PACRG: variants seen among roughly 807,000 people sequenced by gnomAD.
PACRG encodes parkin coregulated.
Under a neutral mutation model 29.7 loss-of-function variants are expected in PACRG, and 29 were observed. The observed-to-expected ratio is 0.98, with a 90% confidence interval of 0.73 to 1.33. The LOEUF (loss-of-function observed/expected upper bound fraction) is 1.33, where lower values mean the gene tolerates loss of function less well. Ranked by LOEUF, PACRG falls within the 40% of genes most tolerant of loss-of-function variation. The pLI, the probability that PACRG is intolerant of heterozygous loss-of-function variation, is 0.00. For missense variants in PACRG, 279 were observed against 316.2 expected (o/e 0.88, Z 0.89); for synonymous variants, 116 against 118.7 (o/e 0.98, Z 0.15).
At chr6:163,236,077 T>G (rs553386151) in intron 4 of PACRG, among the ~76,000 whole-genome samples, 1 of 152,258 alleles carries the variant, frequency 6.6e-6, no homozygotes, top group East Asian at 1.9e-4. Flanking sequence ...TCTGCCTATG[T>G]CAGGGCAGCA....
chr6:163,267,484 A>G (rs1207621330), intron 4 of PACRG, among the ~76,000 whole-genome samples: 2 of 152,250 alleles, frequency 1.3e-5, no homozygotes, highest in Admixed American at 6.5e-5. Flanking sequence ...TTTCACACCA[A>G]TTCTACAAAA....
At chr6:163,021,518 G>A (rs772142482) in intron 2 of PACRG, among the ~76,000 whole-genome samples, 6 of 151,916 alleles carry the variant, frequency 3.9e-5, no homozygotes, top group Non-Finnish European at 5.9e-5. Context: ...TGTTTGTCTC[G>A]CTCCAGGCTT....
In PACRG at chr6:162,758,540, T is replaced by C. The variant is rs529893979; in HGVS notation, c.156+30149T>C. On this transcript the variant is annotated intron_variant, in intron 1 of 4. Coordinates refer to ENST00000366888, the MANE Select transcript of PACRG (RefSeq NM_001080379.2). Reference sequence around the variant, plus strand: ...GGTACCATTTTTGTAGATAAAAATATGTAGATGATAATATGGGTTTGTTGT... The same window carrying C: ...GGTACCATTTTTGTAGATAAAAATACGTAGATGATAATATGGGTTTGTTGT... Among the ~76,000 whole-genome samples, 4 of 152,278 alleles carry C rather than the reference T, an allele frequency of 2.6e-5. No individual in the cohort carries two copies. The South Asian group carries it at 8.3e-4, about 32-fold the overall frequency.
At chr6:163,306,474 C>T (rs1306560357) in intron 4 of PACRG, among the ~76,000 whole-genome samples, 1 of 152,098 alleles carries the variant, frequency 6.6e-6, no homozygotes, top group Non-Finnish European at 1.5e-5. Context: ...CAGAGAAGAC[C>T]TTAGCTTGCC....
chr6:163,118,558 G>T (rs972563789), intron 4 of PACRG, among the ~76,000 whole-genome samples: 3 of 152,176 alleles, frequency 2.0e-5, no homozygotes, highest in Admixed American at 2.0e-4. Flanking sequence ...TTCATGTTAG[G>T]CTGATCCTAC....
At chr6:163,212,803 G>A (rs1037381859) in intron 4 of PACRG, among the ~76,000 whole-genome samples, 5 of 147,208 alleles carry the variant, frequency 3.4e-5, no homozygotes, top group East Asian at 2.0e-4. Flanking sequence ...TTTTTGAGAC[G>A]GAGTCTCGCT....
At chr6:163,224,341 C>T (rs939410494) in intron 4 of PACRG, among the ~76,000 whole-genome samples, 29 of 111,182 alleles carry the variant, frequency 2.6e-4, no homozygotes, top group Admixed American at 1.2e-4. Flanking sequence ...TGCACTGTAG[C>T]CTGGGCAACA....
chr6:163,006,227 T>A (rs1160957059), intron 2 of PACRG, among the ~76,000 whole-genome samples: 2 of 146,002 alleles, frequency 1.4e-5, no homozygotes, highest in African/African-American at 5.0e-5. Flanking sequence ...TATATATGTA[T>A]ATATATGGGT....
chr6:162,855,895 T>C (rs781049517), intron 2 of PACRG, among the ~76,000 whole-genome samples: 4 of 152,196 alleles, frequency 2.6e-5, no homozygotes, highest in East Asian at 1.9e-4. Flanking sequence ...TAGTCAGTTA[T>C]GGCCCCTTCT....
intron 4 of PACRG, among the ~76,000 whole-genome samples, chr6:163,126,944 C>G (rs1025166610): frequency 7.2e-5 from 11 of 152,206 alleles, no homozygotes; most frequent in Non-Finnish European, 1.3e-4. Context: ...GGTGGAAACA[C>G]AGGTCAAGTG....
chr6:162,947,621 T>TATATATAATC (rs1799307285), intron 2 of PACRG, among the ~76,000 whole-genome samples: 1 of 47,938 alleles, frequency 2.1e-5, no homozygotes, highest in African/African-American at 7.9e-5. Flanking sequence ...CATATATATA[T>TATATATAATC]ATATATATAT....
chr6:162,907,240 A>T (rs1486446796), intron 2 of PACRG, among the ~76,000 whole-genome samples: 3 of 152,232 alleles, frequency 2.0e-5, no homozygotes, highest in African/African-American at 7.2e-5. Flanking sequence ...CAGCTTTAAA[A>T]TACGGCTGCT....
chr6:163,141,720 C>A lies in PACRG; in HGVS notation c.613+52312C>A, dbSNP rs975994367. Among the ~76,000 whole-genome samples, 4 of 151,790 alleles carry A rather than the reference C, an allele frequency of 2.6e-5. 1 individual carries two copies. Among genetic ancestry groups the A allele is most frequent in the Non-Finnish European group, 5.9e-5 (4 of 67,942 alleles). On this transcript the variant is annotated intron_variant, in intron 4 of 4. Transcript: ENST00000366888. ...AGGGGCATCGTAGGATAAGAAGAAG[C>A]AAAATCCACCAAAATGACGTAAAAA...
At chr6:163,243,154 A>G (rs757258501) in intron 4 of PACRG, among the ~76,000 whole-genome samples, 1 of 152,190 alleles carries the variant, frequency 6.6e-6, no homozygotes, top group Non-Finnish European at 1.5e-5. Flanking sequence ...GTGATGTATC[A>G]CTGGCTGGTG....
rs117368153 is a variant in PACRG, at chr6:162,811,047, A to T, written c.157-3100A>T. 4.1e-4 allele frequency among the ~76,000 whole-genome samples: 62 copies of T among 152,316 alleles called. No individual in the cohort carries two copies. The East Asian group carries it at 0.011, about 28-fold the overall frequency. ...AGAAAAATCGTGGCATAACTAAAAA[A>T]AAGTGGCACCTTATAAATAAGGGAA... On this transcript the variant is annotated intron_variant, in intron 1 of 4. Transcript: ENST00000366888.
At chr6:163,010,954 C>T (rs560656006) in intron 2 of PACRG, among the ~76,000 whole-genome samples, 1 of 152,330 alleles carries the variant, frequency 6.6e-6, no homozygotes, top group African/African-American at 2.4e-5. Flanking sequence ...TTAGGAGGAT[C>T]TGCTGCAGTG....
At chr6:163,047,644 A>T (rs540715765) in intron 2 of PACRG, among the ~76,000 whole-genome samples, 2 of 152,192 alleles carry the variant, frequency 1.3e-5, no homozygotes, top group Non-Finnish European at 2.9e-5. Flanking sequence ...AGGTTATTCC[A>T]TAAAATAATT....
At chr6:162,979,492 GTCT>G (rs1247102587) in intron 2 of PACRG, among the ~76,000 whole-genome samples, 1 of 152,110 alleles carries the variant, frequency 6.6e-6, no homozygotes, top group African/African-American at 2.4e-5. Context: ...TTTGTTGAGT[GTCT>G]TCTTGGCTGT....
chr6:162,934,324 G>A (rs900122939), intron 2 of PACRG, among the ~76,000 whole-genome samples: 10 of 152,164 alleles, frequency 6.6e-5, no homozygotes, highest in South Asian at 2.1e-4. Context: ...TTGGGAGGGC[G>A]GGCGTTAAAC....
Sources: gnomAD v4.1 joint callset for allele counts (sites outside exome capture counted in the v4.1 genomes callset) on GRCh38, gnomAD v4.1.1 for gene constraint, MANE v1.5 for transcripts, NCBI Gene and HGNC (gene_info 2026-07-23, HGNC 2026-07-21) for gene names.